GNA13: variants seen among roughly 807,000 people sequenced by gnomAD.
GNA13 encodes guanine nucleotide-binding protein subunit alpha-13.
GNA13 carries 4 observed loss-of-function variants against 33.5 expected under a neutral mutation model. That is an observed-to-expected ratio of 0.12 (90% CI 0.06 to 0.27). The LOEUF (loss-of-function observed/expected upper bound fraction) is 0.27, where lower values mean the gene tolerates loss of function less well. Ranked by LOEUF, GNA13 falls within the 10% of genes least tolerant of loss-of-function variation. GNA13 has a pLI of 1.00. For synonymous variants in GNA13, 176 were observed against 183.8 expected (o/e 0.96, Z 0.34); for missense variants, 319 against 487.2 (o/e 0.65, Z 3.25).
At chr17:65,036,107 T>A (rs570214934) in intron 2 of GNA13, among the ~76,000 whole-genome samples, 4 of 152,242 alleles carry the variant, frequency 2.6e-5, no homozygotes, top group African/African-American at 9.6e-5. Flanking sequence ...TTATTCCCAG[T>A]TTAGAGCTCA....
At chr17:65,056,272 C>T (rs762807540) in intron 1 of GNA13, 39 bp downstream of exon 1, 59 of 1,415,972 alleles carry the variant, frequency 4.2e-5, no homozygotes, top group Admixed American at 2.7e-4. Context: ...CCCCAGCCCC[C>T]CTGCCCTTAA....
chr17:65,031,921 A>AGAGTGTGTGTGTGTGTGTGTGTGTGT (rs770161529), intron 2 of GNA13, among the ~76,000 whole-genome samples: 1 of 91,624 alleles, frequency 1.1e-5, no homozygotes, highest in Non-Finnish European at 2.2e-5. Flanking sequence ...AGAGAGAGAG[A>AGAGTGTGTGTGTGTGTGTGTGTGTGT]GTGTGTGTGT....
chr17:65,047,298 G>A (rs1298089121), intron 2 of GNA13, among the ~76,000 whole-genome samples: 1 of 152,062 alleles, frequency 6.6e-6, no homozygotes, highest in Non-Finnish European at 1.5e-5. Flanking sequence ...TGAAGCAGGA[G>A]GATCACTTGA....
chr17:65,043,606 T>C (rs1207147964), intron 2 of GNA13, among the ~76,000 whole-genome samples: 1 of 152,096 alleles, frequency 6.6e-6, no homozygotes, highest in Non-Finnish European at 1.5e-5. Flanking sequence ...TTTATTTTAA[T>C]TTGTATGGAA....
At position 65,056,516 on chromosome 17, in the gene GNA13, C is replaced by T. The variant is rs768871775; in HGVS notation, c.78G>A (p.Glu26=). 1.7e-5 allele frequency: 27 copies of T among 1,613,306 alleles called. No individual in the cohort carries two copies. The East Asian group carries it at 3.8e-4, about 23-fold the overall frequency. The change falls in exon 1 of 4, where the codon GAG becomes GAA. Residue 26 remains glutamate, a synonymous_variant. Coordinates refer to ENST00000439174, the MANE Select transcript of GNA13 (RefSeq NM_006572.6). ...CGATCTCCTTGGACTTGCGTTGCTGCTCGGCCTCGCCACTCGTCAGCAGGC... is the reference window on the plus strand; with the variant it reads ...CGATCTCCTTGGACTTGCGTTGCTGTTCGGCCTCGCCACTCGTCAGCAGGC... ...PGCLLTSGEA[E]QQRKSKEIDK... is the part of the protein sequence containing the mutation.
chr17:65,018,978 G>A (rs1303132762), intron 2 of GNA13, among the ~76,000 whole-genome samples: 2 of 152,198 alleles, frequency 1.3e-5, no homozygotes, highest in Non-Finnish European at 2.9e-5. Context: ...GAGAAGAGGG[G>A]AACTATTTTG....
rs7211059 is a variant in GNA13, at chr17:65,047,109, A to G, written c.510+6393T>C. ...AAAAAGAAATTAATTAAAAAGAAAA[A>G]AACTTCATTTTTAACGTAAATAAAC... On this transcript the variant is annotated intron_variant, in intron 2 of 3. Coordinates refer to ENST00000439174, the MANE Select transcript of GNA13 (RefSeq NM_006572.6). Among the ~76,000 whole-genome samples the G allele has an allele frequency of 5.7e-3, 865 of 152,320 alleles. 8 individuals carry two copies. The highest frequency in any genetic ancestry group is 0.02 in the African/African-American group (830 of 41,560).
At position 65,009,317 on chromosome 17, in the gene GNA13, G is replaced by A. The variant is rs144382215; in HGVS notation, c.*4940C>T. 3.1e-3 allele frequency among the ~76,000 whole-genome samples: 479 copies of A among 152,234 alleles called. No homozygotes were observed. Among genetic ancestry groups the A allele is most frequent in the African/African-American group, 0.011 (466 of 41,544 alleles). ...AATTGTTTACAAATGTTTATTAAAT[G>A]TCAGTAATTTTTACAAAGCAAATAT... On this transcript the variant is annotated 3_prime_UTR_variant, in exon 4 of 4. Transcript: ENST00000439174.
intron 2 of GNA13, among the ~76,000 whole-genome samples, chr17:65,031,866 TAGAGAGAGAG>T (rs138789425): frequency 1.2e-4 from 13 of 106,410 alleles, no homozygotes; most frequent in African/African-American, 5.2e-4. Context: ...CCGGACAACA[TAGAGAGAGAG>T]AGAGAGAGAG....
chr17:65,052,765 C>T (rs1202914867), intron 2 of GNA13, among the ~76,000 whole-genome samples: 1 of 152,182 alleles, frequency 6.6e-6, no homozygotes, highest in Non-Finnish European at 1.5e-5. Context: ...GGGAAAAATG[C>T]CTGGCACAAT....
At chr17:65,047,837 A>T (rs1009276120) in intron 2 of GNA13, among the ~76,000 whole-genome samples, 8 of 152,196 alleles carry the variant, frequency 5.3e-5, no homozygotes, top group East Asian at 1.9e-4. Context: ...AATAAATAAA[A>T]AAAATTAGCT....
chr17:65,028,070 C>CA (rs1352858910), intron 2 of GNA13, among the ~76,000 whole-genome samples: 1 of 152,012 alleles, frequency 6.6e-6, no homozygotes, highest in Non-Finnish European at 1.5e-5. Context: ...ACTAAAAATA[C>CA]AAAAAATCAG....
At chr17:65,056,261 G>GCCCCCCCC in intron 1 of GNA13, 50 bp downstream of exon 1, 12 of 560,690 alleles carry the variant, frequency 2.1e-5, no homozygotes, top group East Asian at 4.7e-5. Context: ...ACCCGCCGCC[G>GCCCCCCCC]CCCCAGCCCC....
At chr17:65,026,521 AAAGT>A (rs1906790135) in intron 2 of GNA13, among the ~76,000 whole-genome samples, 2 of 152,248 alleles carry the variant, frequency 1.3e-5, no homozygotes, top group Admixed American at 6.5e-5. Flanking sequence ...AGCCGTTTCC[AAAGT>A]AAGTATAATT....
chr17:65,018,410 T>A lies in GNA13; in HGVS notation c.511-107A>T, dbSNP rs547855439. 173 of 690,628 alleles carry A rather than the reference T, an allele frequency of 2.5e-4. No homozygotes were observed. The African/African-American group carries it at 3.0e-3, about 12-fold the overall frequency. The allele number at this position is 690,628 out of a possible 1,614,324, so 42.8% of individuals were successfully genotyped here. On this transcript the variant is annotated intron_variant, in intron 2 of 3. Coordinates refer to ENST00000439174, the MANE Select transcript of GNA13 (RefSeq NM_006572.6). ...GTTGTACACTTAACCCAAACAGACTTTGTTTAGTCACCAATTTCAGACAGC... is the reference window on the plus strand; with the variant it reads ...GTTGTACACTTAACCCAAACAGACTATGTTTAGTCACCAATTTCAGACAGC...
Position 65,011,123 on chromosome 17 carries a change from A to G in GNA13, c.*3134T>C, listed in dbSNP as rs978471845. On this transcript the variant is annotated 3_prime_UTR_variant, in exon 4 of 4. Transcript: ENST00000439174. ...CTTAACCAATTTCTTCTTACAAAAAATGATAAGGACATATGGTATTTGTTG... is the reference window on the plus strand; with the variant it reads ...CTTAACCAATTTCTTCTTACAAAAAGTGATAAGGACATATGGTATTTGTTG... The G allele has an allele frequency of 6.8e-5, 14 of 206,490 alleles. No homozygotes were observed. The highest frequency in any genetic ancestry group is 1.3e-4 in the Non-Finnish European group (13 of 101,294). 12.8% of individuals were successfully genotyped at this position (206,490 alleles called of 1,614,324 possible).
chr17:65,056,704 C>T lies in GNA13; in HGVS notation c.-111G>A, dbSNP rs1474395729. The T allele has an allele frequency of 2.9e-6, 2 of 700,718 alleles. No homozygotes were observed. Among genetic ancestry groups the T allele is most frequent in the East Asian group, 7.3e-5 (2 of 27,372 alleles). The allele number at this position is 700,718 out of a possible 1,614,324, so 43.4% of individuals were successfully genotyped here. ...TCGAGGGCGGGGAGCGCGGCGGCGG[C>T]CCGAGCGCGCCCAGGGAGGGAGGGA... On this transcript the variant is annotated 5_prime_UTR_variant, in exon 1 of 4. Transcript: ENST00000439174.
chr17:65,029,862 C>T (rs543472380), intron 2 of GNA13, among the ~76,000 whole-genome samples: 10 of 151,878 alleles, frequency 6.6e-5, no homozygotes, highest in South Asian at 2.1e-4. Flanking sequence ...ATACATTGAA[C>T]GGGAAGGTTT....
intron 2 of GNA13, among the ~76,000 whole-genome samples, chr17:65,042,717 A>G (rs952491713): frequency 2.6e-5 from 4 of 152,204 alleles, no homozygotes; most frequent in African/African-American, 9.7e-5. Context: ...AGCCTGGGCA[A>G]CAGAGCGAGA....
Sources: allele counts gnomAD v4.1 joint callset (sites outside exome capture counted in the v4.1 genomes callset), GRCh38; gene constraint gnomAD v4.1.1; transcripts MANE v1.5; gene names NCBI Gene and HGNC (gene_info 2026-07-23, HGNC 2026-07-21).